Variants in C18orf54 observed in about 807,000 individuals in gnomAD.
C18orf54 encodes the protein lung adenoma susceptibility protein 2.
In C18orf54, 49 loss-of-function variants were observed where a neutral mutation model predicts 49.3. The observed-to-expected ratio is 0.99, with a 90% CI of 0.79 to 1.26. The LOEUF is 1.26. C18orf54 is among the 50% of genes most tolerant of loss of function. The pLI is 0.00. For synonymous variants in C18orf54, 211 were observed against 216.6 expected (o/e 0.97, Z 0.23); for missense variants, 687 against 620.6 (o/e 1.11, Z -1.14).
chr18:54,378,512 C>T lies in C18orf54; in HGVS notation c.*266C>T, dbSNP rs1314583181. 6 of 237,170 alleles carry T rather than the reference C, an allele frequency of 2.5e-5. No homozygotes were observed. Among genetic ancestry groups the T allele is most frequent in the African/African-American group, 1.4e-4 (6 of 44,378 alleles). 14.7% of individuals were successfully genotyped at this position (237,170 alleles called of 1,614,324 possible). On this transcript the variant is annotated 3_prime_UTR_variant, in exon 9 of 9. Coordinates refer to ENST00000620105, the MANE Select transcript of C18orf54 (RefSeq NM_001288980.2). ...CTTTCGCCTTCTGGCCAGCAAATGTCTAATATTTAAAGATGGATGACTTCT... is the reference window on the plus strand; with the variant it reads ...CTTTCGCCTTCTGGCCAGCAAATGTTTAATATTTAAAGATGGATGACTTCT...
rs1316464178 is a variant in C18orf54 at position 54,379,731 on chromosome 18, A to G, written c.*1485A>G. On this transcript the variant is annotated 3_prime_UTR_variant, in exon 9 of 9. Transcript: ENST00000620105. ...AAATGCAGATTTTAGGTGGGTAAAC[A>G]TCAGGTAGGTCTGGGTGGGTCATGT... The G allele has an allele frequency of 6.6e-6, 1 of 152,010 alleles. No homozygotes were observed. Among genetic ancestry groups the G allele is most frequent in the Non-Finnish European group, 1.5e-5 (1 of 67,926 alleles). The allele number at this position is 152,010 out of a possible 1,614,324, so 9.4% of individuals were successfully genotyped here.
chr18:54,368,816 T>C (rs2089434238), intron 6 of C18orf54, among the ~76,000 whole-genome samples: 1 of 152,170 alleles, frequency 6.6e-6, no homozygotes, highest in Non-Finnish European at 1.5e-5. Context: ...CCTTGTATAA[T>C]GAAAAACTAT....
Position 54,372,646 on chromosome 18 carries a change from G to T in C18orf54, c.1458+49G>T, listed in dbSNP as rs148467431. The T allele has an allele frequency of 1.5e-4, 230 of 1,485,086 alleles. 1 individual carries two copies. Among genetic ancestry groups the T allele is most frequent in the African/African-American group, 7.8e-4 (55 of 70,924 alleles). 92.0% of individuals were successfully genotyped at this position (1,485,086 alleles called of 1,614,324 possible). A position where few individuals can be genotyped will look rare whatever the true frequency, so the allele number is the denominator to read the frequency against. ...ATTGAGATTTGTGAATTTGTATAAA[G>T]ATTTTTTTCTACATCTTTTAATAGA... On this transcript the variant is annotated intron_variant, in intron 7 of 8. Coordinates refer to ENST00000620105, the MANE Select transcript of C18orf54 (RefSeq NM_001288980.2).
In C18orf54 at chr18:54,362,385, A is replaced by G. The variant is rs779151537; in HGVS notation, c.1026A>G (p.Gln342=). 83 of 1,533,480 alleles carry G rather than the reference A, an allele frequency of 5.4e-5. No homozygotes were observed. In the South Asian group the frequency reaches 6.8e-4, roughly 13 times the overall value. 95.0% of individuals were successfully genotyped at this position (1,533,480 alleles called of 1,614,324 possible). A position where few individuals can be genotyped will look rare whatever the true frequency, so the allele number is the denominator to read the frequency against. The part of the protein sequence containing the change: ...YKCDFEHSQC[Q]CENPLLPGQS... Reference sequence around the variant, plus strand: ...GTGATTTTGAACATAGCCAGTGTCAATGTGAGAATCCACTTCTCCCAGGAC... The same window carrying G: ...GTGATTTTGAACATAGCCAGTGTCAGTGTGAGAATCCACTTCTCCCAGGAC... Residue 342 remains glutamine (Q), a synonymous_variant, in exon 4 of 9, where the codon CAA becomes CAG. Coordinates refer to ENST00000620105, the MANE Select transcript of C18orf54 (RefSeq NM_001288980.2).
At chr18:54,373,910 T>G (rs1282425000) in intron 7 of C18orf54, among the ~76,000 whole-genome samples, 1 of 151,838 alleles carries the variant, frequency 6.6e-6, no homozygotes, top group Non-Finnish European at 1.5e-5. Flanking sequence ...CTATCTTTCT[T>G]TCCCCTCTCA....
In C18orf54 at chr18:54,362,327, GTGA is replaced by G. The variant is rs764671888; in HGVS notation, c.973_975del (p.Asp325del). 1.0e-4 allele frequency: 161 copies of G among 1,535,936 alleles called. No individual in the cohort carries two copies. The highest frequency in any genetic ancestry group is 1.4e-4 in the Non-Finnish European group (158 of 1,146,798). On this transcript the variant is annotated inframe_deletion, in exon 4 of 9. Transcript: ENST00000620105. ...CCCTCAAACTTTTCAAATTCCTTGA[GTGA>G]TGATAAAGAATTAGTTAATGAATAC...
chr18:54,362,742 A>G, intron 4 of C18orf54, 29 bp from the exon 5 acceptor site: 1 of 1,573,988 alleles, frequency 6.4e-7, no homozygotes, highest in Non-Finnish European at 8.6e-7. Flanking sequence ...TTTTTTCTTC[A>G]AGGATTAATA....
intron 8 of C18orf54, among the ~76,000 whole-genome samples, chr18:54,376,586 G>A (rs1568192358): frequency 6.6e-6 from 1 of 152,158 alleles, no homozygotes; most frequent in Non-Finnish European, 1.5e-5. Flanking sequence ...CACCCACCTC[G>A]GCCTCCCAAA....
intron 5 of C18orf54, among the ~76,000 whole-genome samples, chr18:54,364,380 G>A (rs2089337823): frequency 6.6e-6 from 1 of 151,994 alleles, no homozygotes; most frequent in Non-Finnish European, 1.5e-5. Flanking sequence ...CTTCTAGCTT[G>A]TATAATTAAT....
At position 54,362,028 on chromosome 18, in the gene C18orf54, G is replaced by A. The variant is rs1004279429; in HGVS notation, c.669G>A (p.Ser223=). ...SESSLSFPKK[S]SFKDSSEHSL... ...CATCTTTGTCTTTTCCCAAGAAATCGTCTTTCAAGGACAGTTCAGAACACA... is the reference window on the plus strand; with the variant it reads ...CATCTTTGTCTTTTCCCAAGAAATCATCTTTCAAGGACAGTTCAGAACACA... The change falls in exon 4 of 9, where the codon TCG becomes TCA. Residue 223 remains serine (S), a synonymous_variant. Transcript: ENST00000620105. The A allele has an allele frequency of 7.5e-6, 12 of 1,590,418 alleles. No individual in the cohort carries two copies. The East Asian group carries it at 9.1e-5, about 12-fold the overall frequency.
In C18orf54 at chr18:54,362,919, T is replaced by A. The variant is rs1410206411; in HGVS notation, c.1221T>A (p.Thr407=). Residue 407 remains threonine (T), a splice_region_variant and synonymous_variant, in exon 5 of 9, where the codon ACT becomes ACA. Transcript: ENST00000620105. ...GATCATGGGAAAATATTCCTGTTAC[T>A]TTGTAAGTAAGTGGCAATGGAAAAA... ...ADRSWENIPV[T]FKSPVPVNSD... is the part of the protein sequence containing the mutation. The A allele has an allele frequency of 6.3e-7, 1 of 1,588,658 alleles. No individual in the cohort carries two copies. Among genetic ancestry groups the A allele is most frequent in the Non-Finnish European group, 8.5e-7 (1 of 1,173,408 alleles).
chr18:54,367,483 G>GTAT (rs1311698079), intron 6 of C18orf54, among the ~76,000 whole-genome samples: 23 of 152,192 alleles, frequency 1.5e-4, no homozygotes, highest in African/African-American at 4.3e-4. Flanking sequence ...CTGAAGGAAA[G>GTAT]CTTTGCTCCA....
At chr18:54,369,470 T>C (rs1480275121) in intron 6 of C18orf54, among the ~76,000 whole-genome samples, 1 of 112,794 alleles carries the variant, frequency 8.9e-6, no homozygotes, top group Non-Finnish European at 2.0e-5. Context: ...ATATTGCTTT[T>C]TTTTTTTTTT....
At chr18:54,372,993 C>T (rs1292736153) in intron 7 of C18orf54, among the ~76,000 whole-genome samples, 1 of 151,770 alleles carries the variant, frequency 6.6e-6, no homozygotes, top group African/African-American at 2.4e-5. Flanking sequence ...ACACCTTTCT[C>T]CTTTGAAATT....
At chr18:54,372,424 C>T (rs2144746989) in intron 6 of C18orf54, 42 bp from the exon 7 acceptor site, 1 of 1,426,758 alleles carries the variant, frequency 7.0e-7, no homozygotes, top group Non-Finnish European at 9.3e-7. Context: ...TTTCCCTGAG[C>T]TTGGATGGTT....
In C18orf54 at chr18:54,357,965, G is replaced by A. The variant is rs2089176531; in HGVS notation, c.-254G>A. ...GTCGAGCTCTGCTGTGACTGCGGAG[G>A]AAGCTGCGAGTGAGCCGAGCCTGAG... On this transcript the variant is annotated 5_prime_UTR_variant, in exon 1 of 9. Transcript: ENST00000620105. 1.3e-5 allele frequency: 2 copies of A among 152,604 alleles called. No individual in the cohort carries two copies. The highest frequency in any genetic ancestry group is 1.5e-5 in the Non-Finnish European group (1 of 68,272). 9.5% of individuals were successfully genotyped at this position (152,604 alleles called of 1,614,324 possible).
chr18:54,366,026 A>C (rs1444593200), intron 6 of C18orf54, among the ~76,000 whole-genome samples: 1 of 151,694 alleles, frequency 6.6e-6, no homozygotes, highest in Non-Finnish European at 1.5e-5. Flanking sequence ...AATCATACAT[A>C]TCTATGGGAT....
chr18:54,365,607 T>C (rs187867814), intron 5 of C18orf54, 112 bp from the exon 6 acceptor site: 72 of 561,482 alleles, frequency 1.3e-4, no homozygotes, highest in African/African-American at 6.0e-4. Flanking sequence ...TCCATGATGA[T>C]TATTTCTTGG....
chr18:54,373,350 ACAT>A (rs1453339919), intron 7 of C18orf54, among the ~76,000 whole-genome samples: 2 of 151,938 alleles, frequency 1.3e-5, no homozygotes, highest in East Asian at 3.9e-4. Flanking sequence ...ATGTTTTGAA[ACAT>A]CATGAAATGG....
Sources: gnomAD v4.1 joint callset for allele counts (sites outside exome capture counted in the v4.1 genomes callset) on GRCh38, gnomAD v4.1.1 for gene constraint, MANE v1.5 for transcripts, NCBI Gene and HGNC (gene_info 2026-07-23, HGNC 2026-07-21) for gene names.